MACROD2: variants seen among roughly 807,000 people sequenced by gnomAD.
MACROD2 encodes the protein mono-ADP ribosylhydrolase 2.
In MACROD2, 36 loss-of-function variants were observed where a neutral mutation model predicts 70.4. The observed-to-expected ratio is 0.51, with a 90% confidence interval of 0.39 to 0.68. The LOEUF (loss-of-function observed/expected upper bound fraction) is 0.68, where lower values mean the gene tolerates loss of function less well. Ranked by LOEUF, MACROD2 falls within the 30% of genes least tolerant of loss-of-function variation. MACROD2 has a pLI of 0.00. For synonymous variants in MACROD2, 172 were observed against 178.8 expected (o/e 0.96, Z 0.30); for missense variants, 496 against 538.4 (o/e 0.92, Z 0.78).
intron 5 of MACROD2, among the ~76,000 whole-genome samples, chr20:15,033,650 C>T (rs1439196038): frequency 6.6e-6 from 1 of 152,150 alleles, no homozygotes; most frequent in Non-Finnish European, 1.5e-5. Flanking sequence ...CTAAGCTAAG[C>T]GTGCATCCAC....
chr20:15,662,173 GTC>G (rs2049830557), intron 8 of MACROD2, among the ~76,000 whole-genome samples: 1 of 152,182 alleles, frequency 6.6e-6, no homozygotes, highest in South Asian at 2.1e-4. Flanking sequence ...CACTGAAATT[GTC>G]TGTTTATTAT....
intron 8 of MACROD2, among the ~76,000 whole-genome samples, chr20:15,802,729 G>T (rs1432767403): frequency 1.3e-5 from 2 of 152,158 alleles, no homozygotes; most frequent in South Asian, 2.1e-4. Flanking sequence ...GAAGTGAAAA[G>T]TCGTTTTTTT....
At chr20:15,115,986 C>G (rs2075989006) in intron 5 of MACROD2, among the ~76,000 whole-genome samples, 1 of 152,056 alleles carries the variant, frequency 6.6e-6, no homozygotes, top group South Asian at 2.1e-4. Context: ...AATAAAAACT[C>G]TAGAATAAAA....
At chr20:15,852,148 G>T (rs949082982) in intron 8 of MACROD2, among the ~76,000 whole-genome samples, 2 of 152,162 alleles carry the variant, frequency 1.3e-5, no homozygotes, top group Non-Finnish European at 2.9e-5. Context: ...CAGATGTGTC[G>T]TTTGTGAAAT....
chr20:14,102,700 A>G (rs1019239003), intron 3 of MACROD2, among the ~76,000 whole-genome samples: 4 of 152,134 alleles, frequency 2.6e-5, no homozygotes, highest in South Asian at 4.1e-4. Flanking sequence ...CATTTAGTCA[A>G]TCTGTGGGAT....
intron 6 of MACROD2, among the ~76,000 whole-genome samples, chr20:15,280,492 C>G (rs2077434214): frequency 6.6e-6 from 1 of 152,050 alleles, no homozygotes; most frequent in Non-Finnish European, 1.5e-5. Context: ...AATGAAGAGT[C>G]CATATTTTTG....
intron 8 of MACROD2, among the ~76,000 whole-genome samples, chr20:15,814,810 G>A (rs1325631818): frequency 6.6e-6 from 1 of 152,196 alleles, no homozygotes; most frequent in Non-Finnish European, 1.5e-5. Flanking sequence ...TTTTCTGAGT[G>A]TAGACTAATT....
intron 5 of MACROD2, among the ~76,000 whole-genome samples, chr20:14,763,841 G>T (rs747280503): frequency 1.3e-5 from 2 of 152,016 alleles, no homozygotes; most frequent in Non-Finnish European, 2.9e-5. Flanking sequence ...TTGGGGGAAA[G>T]ATCACAATAT....
intron 6 of MACROD2, among the ~76,000 whole-genome samples, chr20:15,295,066 T>C (rs6079736): frequency 0.034 from 5,190 of 152,276 alleles, 116 homozygotes; most frequent in South Asian, 0.081. Flanking sequence ...AATTGAATCA[T>C]GGGGGCAAAT....
chr20:14,169,771 A>C (rs541054001), intron 3 of MACROD2, among the ~76,000 whole-genome samples: 1 of 152,086 alleles, frequency 6.6e-6, no homozygotes, highest in South Asian at 2.1e-4. Flanking sequence ...CATTGAATAC[A>C]TTGTTCCTAT....
At chr20:14,066,404 A>T (rs2053757854) in intron 2 of MACROD2, among the ~76,000 whole-genome samples, 1 of 152,218 alleles carries the variant, frequency 6.6e-6, no homozygotes, top group Non-Finnish European at 1.5e-5. Flanking sequence ...TTCTTACAGA[A>T]ATGTTCACTG....
intron 3 of MACROD2, among the ~76,000 whole-genome samples, chr20:14,108,077 A>G (rs905219995): frequency 1.3e-5 from 2 of 152,170 alleles, no homozygotes; most frequent in Non-Finnish European, 2.9e-5. Flanking sequence ...TAGACAGTAC[A>G]ATAAGACACA....
At position 14,179,494 on chromosome 20, in the gene MACROD2, A is replaced by G. The variant is rs73612340; in HGVS notation, c.271+93766A>G. ...AGCAGATAAATGTACTATTCTGTCT[A>G]TCTACTGTGGCCATTCTCCAATTTG... On this transcript the variant is annotated intron_variant, in intron 3 of 17. Transcript: ENST00000684519. 4.8e-4 allele frequency among the ~76,000 whole-genome samples: 73 copies of G among 152,284 alleles called. 2 individuals carry two copies. In the East Asian group the frequency reaches 0.013, roughly 26 times the overall value.
intron 15 of MACROD2, among the ~76,000 whole-genome samples, chr20:16,028,171 C>A (rs904211535): frequency 2.6e-5 from 4 of 152,176 alleles, no homozygotes; most frequent in Non-Finnish European, 5.9e-5. Flanking sequence ...TTCTTGTCCT[C>A]AAAGATTTTT....
At chr20:14,737,550 C>T (rs4814322) in intron 5 of MACROD2, among the ~76,000 whole-genome samples, 33,273 of 152,034 alleles carry the variant, frequency 0.22, 4,178 homozygotes, top group East Asian at 0.43. Flanking sequence ...TGATGGTTGA[C>T]GTAATTTACA....
chr20:15,204,411 C>T (rs554795464), intron 5 of MACROD2, among the ~76,000 whole-genome samples: 1 of 152,226 alleles, frequency 6.6e-6, no homozygotes, highest in South Asian at 2.1e-4. Flanking sequence ...AATTGCATAG[C>T]ATCAATTCAT....
At chr20:15,950,146 A>C (rs2065884431) in intron 12 of MACROD2, among the ~76,000 whole-genome samples, 1 of 152,184 alleles carries the variant, frequency 6.6e-6, no homozygotes, top group Non-Finnish European at 1.5e-5. Context: ...AGTGTAGTCT[A>C]TTTTTCTATA....
At chr20:15,096,112 C>G (rs957100122) in intron 5 of MACROD2, among the ~76,000 whole-genome samples, 2 of 152,000 alleles carry the variant, frequency 1.3e-5, no homozygotes, top group Non-Finnish European at 2.9e-5. Context: ...AAGGTAGATA[C>G]AATTAAAGTT....
chr20:15,614,705 CAT>C (rs1015667660), intron 8 of MACROD2, among the ~76,000 whole-genome samples: 6 of 152,102 alleles, frequency 3.9e-5, no homozygotes, highest in African/African-American at 1.2e-4. Context: ...AGACAGTAGA[CAT>C]AAAGAATTGC....
Sources: allele counts gnomAD v4.1 joint callset (sites outside exome capture counted in the v4.1 genomes callset), GRCh38; gene constraint gnomAD v4.1.1; transcripts MANE v1.5; gene names NCBI Gene and HGNC (gene_info 2026-07-23, HGNC 2026-07-21).